The following TNIP3 variants were observed in gnomAD, a reference collection of about 807,000 sequenced individuals.
TNIP3 encodes TNFAIP3-interacting protein 3.
A neutral mutation model predicts 54.1 loss-of-function variants in TNIP3; 34 were observed. The observed-to-expected ratio is 0.63, with a 90% CI of 0.48 to 0.84. The LOEUF (loss-of-function observed/expected upper bound fraction) is 0.84. TNIP3 is among the 40% of genes least tolerant of loss of function. The pLI is 0.00. For missense variants in TNIP3, 366 were observed against 387.6 expected (o/e 0.94, Z 0.47); for synonymous variants, 134 against 136.8 (o/e 0.98, Z 0.14).
chr4:121,210,259 A>G (rs1212793616), intron 2 of TNIP3, among the ~76,000 whole-genome samples: 1 of 152,198 alleles, frequency 6.6e-6, no homozygotes, highest in Non-Finnish European at 1.5e-5. Flanking sequence ...TTACTATTAC[A>G]TAGAGATAAA....
At chr4:121,202,116 A>G (rs1560689768) in intron 2 of TNIP3, among the ~76,000 whole-genome samples, 1 of 152,170 alleles carries the variant, frequency 6.6e-6, no homozygotes, top group African/African-American at 2.4e-5. Flanking sequence ...AAACTAAACA[A>G]AAAGAATGAA....
chr4:121,192,179 A>T (rs767250624), intron 2 of TNIP3, among the ~76,000 whole-genome samples: 4 of 152,186 alleles, frequency 2.6e-5, no homozygotes, highest in Non-Finnish European at 4.4e-5. Flanking sequence ...CAAAAAAGAG[A>T]TGCCGAGCCA....
At chr4:121,160,080 G>A (rs976023777) in intron 2 of TNIP3, among the ~76,000 whole-genome samples, 10 of 152,192 alleles carry the variant, frequency 6.6e-5, no homozygotes, top group Middle Eastern at 3.4e-3. Flanking sequence ...CTCTGCCATC[G>A]TTCAATAATT....
chr4:121,133,759 TG>T (rs1728616676), intron 10 of TNIP3, among the ~76,000 whole-genome samples: 1 of 152,028 alleles, frequency 6.6e-6, no homozygotes, highest in Non-Finnish European at 1.5e-5. Context: ...ACAGTGAAGG[TG>T]GGAGGAGGGC....
intron 3 of TNIP3, among the ~76,000 whole-genome samples, chr4:121,170,518 ATTT>A (rs1420499867): frequency 6.6e-6 from 1 of 152,138 alleles, no homozygotes; most frequent in Non-Finnish European, 1.5e-5. Flanking sequence ...ATAGGCAAAT[ATTT>A]TACTTCATCC....
intron 8 of TNIP3, 42 bp from the exon 9 acceptor site, chr4:121,141,956 A>T (rs200593787): frequency 3.3e-5 from 46 of 1,398,156 alleles, no homozygotes; most frequent in Admixed American, 6.5e-5. Flanking sequence ...AGTGGGAGAG[A>T]CTGAGGAGTT....
intron 9 of TNIP3, among the ~76,000 whole-genome samples, chr4:121,139,808 A>G (rs1729006069): frequency 6.6e-6 from 1 of 152,198 alleles, no homozygotes; most frequent in South Asian, 2.1e-4. Flanking sequence ...TTATTTTTAG[A>G]TGTCTCAAAT....
chr4:121,141,002 CTCTGTAAGCAT>C (rs1261373747), intron 9 of TNIP3, among the ~76,000 whole-genome samples: 2 of 152,158 alleles, frequency 1.3e-5, no homozygotes, highest in African/African-American at 4.8e-5. Context: ...GAATCATGTT[CTCTGTAAGCAT>C]TCTGGTAGGA....
chr4:121,214,734 G>T (rs1726687762), intron 2 of TNIP3, among the ~76,000 whole-genome samples: 1 of 152,108 alleles, frequency 6.6e-6, no homozygotes, highest in South Asian at 2.1e-4. Flanking sequence ...CTTCTGTAAT[G>T]CCTATAGTAT....
chr4:121,206,710 T>C (rs1265537321), intron 2 of TNIP3, among the ~76,000 whole-genome samples: 1 of 151,982 alleles, frequency 6.6e-6, no homozygotes, highest in East Asian at 1.9e-4. Flanking sequence ...TACAGGTGCA[T>C]GTCACCATGC....
intron 5 of TNIP3, among the ~76,000 whole-genome samples, chr4:121,153,075 T>G (rs1284204856): frequency 6.6e-6 from 1 of 152,214 alleles, no homozygotes; most frequent in Non-Finnish European, 1.5e-5. Context: ...AAAAGTCATC[T>G]TTGAGAGGTG....
At chr4:121,176,873 G>A (rs1254049658) in intron 3 of TNIP3, among the ~76,000 whole-genome samples, 3 of 152,098 alleles carry the variant, frequency 2.0e-5, no homozygotes, top group Non-Finnish European at 2.9e-5. Flanking sequence ...GAGTGTCCAG[G>A]TCTAGAACTT....
intron 5 of TNIP3, among the ~76,000 whole-genome samples, chr4:121,152,972 A>ATT (rs1729850590): frequency 6.6e-6 from 1 of 152,210 alleles, no homozygotes; most frequent in Non-Finnish European, 1.5e-5. Flanking sequence ...AAAGTTAGAC[A>ATT]TTATATATAC....
rs528300821 is a variant in TNIP3, at chr4:121,186,253, G to A, written c.69-3457C>T. On this transcript the variant is annotated intron_variant, in intron 2 of 12. Transcript: ENST00000507879. ...GGGGGGGTTTGGTCACACCTATGGA[G>A]AGAGTGGGCGTCAGTGTTGACCGCT... Among the ~76,000 whole-genome samples, 3 of 152,290 alleles carry A rather than the reference G, an allele frequency of 2.0e-5. No individual in the cohort carries two copies. In the East Asian group the frequency reaches 5.8e-4, roughly 29 times the overall value.
At chr4:121,216,944 C>A (rs141104985), upstream of TNIP3, among the ~76,000 whole-genome samples, 55 of 152,142 alleles carry the variant, frequency 3.6e-4, no homozygotes, top group African/African-American at 1.2e-3. Flanking sequence ...CTCATGCCAG[C>A]TTTTTCTCCA....
At chr4:121,172,865 T>A (rs1724049196) in intron 3 of TNIP3, among the ~76,000 whole-genome samples, 3 of 152,120 alleles carry the variant, frequency 2.0e-5, no homozygotes, top group Admixed American at 6.6e-5. Context: ...AAGCTAGAGG[T>A]CCTAGAATGG....
intron 3 of TNIP3, among the ~76,000 whole-genome samples, chr4:121,176,312 G>A (rs1724329178): frequency 6.6e-6 from 1 of 152,168 alleles, no homozygotes; most frequent in South Asian, 2.1e-4. Context: ...TTTCAGCCAG[G>A]TGTCCAAAGG....
intron 3 of TNIP3, among the ~76,000 whole-genome samples, chr4:121,180,734 T>C (rs1724643544): frequency 6.6e-6 from 1 of 152,172 alleles, no homozygotes; most frequent in Admixed American, 6.5e-5. Context: ...CCCCACACTG[T>C]TAAGTGATTG....
chr4:121,178,281 G>A (rs1035086836), intron 3 of TNIP3, among the ~76,000 whole-genome samples: 2 of 152,178 alleles, frequency 1.3e-5, no homozygotes, highest in African/African-American at 4.8e-5. Flanking sequence ...GATGAAATGA[G>A]CTAATGAATA....
Sources: allele counts gnomAD v4.1 joint callset (sites outside exome capture counted in the v4.1 genomes callset), GRCh38; gene constraint gnomAD v4.1.1; transcripts MANE v1.5; gene names NCBI Gene and HGNC (gene_info 2026-07-23, HGNC 2026-07-21).